Variants in JAG1 observed in about 807,000 individuals in gnomAD.
JAG1 encodes protein jagged-1.
In JAG1, 23 loss-of-function variants were observed where a neutral mutation model predicts 148.7. The ratio of observed to expected loss-of-function variants is 0.15; its 90% CI spans 0.11 to 0.22. JAG1 has a LOEUF of 0.22. Ranked by LOEUF, JAG1 falls within the 10% of genes least tolerant of loss-of-function variation. JAG1 has a pLI of 1.00. For missense variants in JAG1, 1,054 were observed against 1,611.2 expected (o/e 0.65, Z 5.92); for synonymous variants, 572 against 598.3 (o/e 0.96, Z 0.64).
Position 10,673,356 on chromosome 20 carries a change from G to A in JAG1, c.81+94C>T. On this transcript the variant is annotated intron_variant, in intron 1 of 25. Transcript: ENST00000254958. This position sits in a 1 kb window ranked among gnomAD's most constrained non-coding sequence, Gnocchi z 4.7. The stretch of plus-strand genomic sequence containing the variant: ...AGGGGCGAGGAGTCGGGCGCTCGAG[G>A]GCTGCCGAGCCTGCTCGCGGGGCTC... The A allele has an allele frequency of 2.1e-6, 2 of 969,124 alleles. No homozygotes were observed. Among genetic ancestry groups the A allele is most frequent in the Non-Finnish European group, 3.0e-6 (2 of 669,914 alleles). The allele number at this position is 969,124 out of a possible 1,614,324, so 60.0% of individuals were successfully genotyped here.
intron 2 of JAG1, among the ~76,000 whole-genome samples, chr20:10,668,393 A>G (rs1187176652): frequency 6.6e-6 from 1 of 152,212 alleles, no homozygotes; most frequent in African/African-American, 2.4e-5. Context: ...CCTAGGCTTG[A>G]AGGATGGGGG....
At chr20:10,651,038 TCA>T (rs2067342451) in intron 8 of JAG1, 1 of 159,324 alleles carries the variant, frequency 6.3e-6, no homozygotes, top group African/African-American at 2.4e-5. Flanking sequence ...ACAGCGGTTC[TCA>T]GACCTGGCTG....
intron 3 of JAG1, among the ~76,000 whole-genome samples, chr20:10,661,456 C>T (rs1342546310): frequency 2.0e-5 from 3 of 152,150 alleles, no homozygotes; most frequent in African/African-American, 7.2e-5. Flanking sequence ...GCATAAACAG[C>T]ATGTGCAAAG....
chr20:10,658,203 G>C (rs970818296), intron 4 of JAG1, among the ~76,000 whole-genome samples: 1 of 152,160 alleles, frequency 6.6e-6, no homozygotes, highest in African/African-American at 2.4e-5. Context: ...CACTGGTTTG[G>C]CCAAGGACGA....
chr20:10,641,062 C>CCGAACTGCCTTGCCAT (rs764291761), intron 24 of JAG1, 51 bp downstream of exon 24: 1 of 1,613,558 alleles, frequency 6.2e-7, no homozygotes, highest in Non-Finnish European at 8.5e-7. Flanking sequence ...CACTGGTTAA[C>CCGAACTGCCTTGCCAT]CGAACTGCCT....
In JAG1 at chr20:10,658,739, G is replaced by GA. The variant is rs1342273279; in HGVS notation, c.440-18dup. The stretch of plus-strand genomic sequence containing the variant: ...TGTCAGGTTCTAGAGACAAAGTGAT[G>GA]AATCATGTTAATATTCACATTGCAG... On this transcript the variant is annotated splice_polypyrimidine_tract_variant and intron_variant, in intron 3 of 25. Coordinates refer to ENST00000254958, the MANE Select transcript of JAG1 (RefSeq NM_000214.3). 5.6e-6 allele frequency: 9 copies of GA among 1,613,844 alleles called. No homozygotes were observed. The highest frequency in any genetic ancestry group is 6.8e-6 in the Non-Finnish European group (8 of 1,179,812).
intron 2 of JAG1, among the ~76,000 whole-genome samples, chr20:10,668,733 G>C (rs2067474520): frequency 6.6e-6 from 1 of 151,584 alleles, no homozygotes; most frequent in Non-Finnish European, 1.5e-5. Flanking sequence ...CTATCTAAAA[G>C]GTCCCCAAAG....
intron 21 of JAG1, 110 bp downstream of exon 21, chr20:10,642,378 G>A (rs970319887): frequency 2.9e-6 from 2 of 679,296 alleles, no homozygotes; most frequent in Non-Finnish European, 5.3e-6. Context: ...TAGTCCCACT[G>A]TGTGTTCCCT....
Position 10,672,913 on chromosome 20 carries a change from G to A in JAG1, c.175C>T (p.Arg59Trp), listed in dbSNP as rs2067507466. The A allele has an allele frequency of 1.2e-6, 2 of 1,613,014 alleles. No individual in the cohort carries two copies. The highest frequency in any genetic ancestry group is 2.2e-5 in the South Asian group (2 of 91,092). The change falls in exon 2 of 26, where the codon CGG becomes TGG. Residue 59 changes from arginine (R) to tryptophan (W), a missense_variant. Coordinates refer to ENST00000254958, the MANE Select transcript of JAG1 (RefSeq NM_000214.3). ...GTGCACTTGCGGTCTCCCGGGTTCCGGGCGCCGCCGCAGCAGTTCCCGTTC... is the reference window on the plus strand; with the variant it reads ...GTGCACTTGCGGTCTCCCGGGTTCCAGGCGCCGCCGCAGCAGTTCCCGTTC... ...LQNGNCCGGA[R>W]NPGDRKCTRD... is the part of the protein sequence containing the mutation.
intron 2 of JAG1, among the ~76,000 whole-genome samples, chr20:10,671,910 C>T (rs1027008231): frequency 3.3e-5 from 5 of 152,184 alleles, no homozygotes; most frequent in Admixed American, 6.5e-5. Context: ...AAGACCACCC[C>T]TTCCAAGCCT....
chr20:10,640,675 T>A, intron 25 of JAG1, 108 bp downstream of exon 25: 1 of 1,196,570 alleles, frequency 8.4e-7, no homozygotes, highest in Non-Finnish European at 1.2e-6. Flanking sequence ...TGGGAGCTCC[T>A]GCGAGGGTAG....
rs769560650 is a variant in JAG1, at chr20:10,645,016, G to A, written c.2228-37C>T. ...GAGCAGACACGACCACCCTCCCTGAGTATCCAGAAACAGTCTGGAGGGGCA... is the reference window on the plus strand; with the variant it reads ...GAGCAGACACGACCACCCTCCCTGAATATCCAGAAACAGTCTGGAGGGGCA... On this transcript the variant is annotated intron_variant, in intron 17 of 25. Transcript: ENST00000254958. This position sits in a 1 kb window ranked among gnomAD's most constrained non-coding sequence, Gnocchi z 6.1. The A allele has an allele frequency of 3.8e-6, 6 of 1,566,810 alleles. No homozygotes were observed. Among genetic ancestry groups the A allele is most frequent in the Non-Finnish European group, 5.3e-6 (6 of 1,137,090 alleles).
Position 10,658,561 on chromosome 20 carries a change from G to A in JAG1, c.601C>T (p.Arg201Cys), listed in dbSNP as rs794727618. 2 of 1,614,200 alleles carry A rather than the reference G, an allele frequency of 1.2e-6. No homozygotes were observed. The highest frequency in any genetic ancestry group is 1.7e-6 in the Non-Finnish European group (2 of 1,180,034). The change falls in exon 4 of 26, where the codon CGC (arginine) becomes TGC (cysteine). Residue 201 changes from arginine to cysteine, a missense_variant. Coordinates refer to ENST00000254958, the MANE Select transcript of JAG1 (RefSeq NM_000214.3). ...TGTCCAAAGAAGTCATCTCTGGGGCGGCAGAACTTATTGCAGCCAAAGCCA... is the reference window on the plus strand; with the variant it reads ...TGTCCAAAGAAGTCATCTCTGGGGCAGCAGAACTTATTGCAGCCAAAGCCA... ...YYGFGCNKFC[R>C]PRDDFFGHYA...
rs560065330 is a variant in JAG1 at position 10,641,775 on chromosome 20, T to C, written c.2682+8A>G. 2.5e-6 allele frequency: 4 copies of C among 1,612,018 alleles called. No homozygotes were observed. Among genetic ancestry groups the C allele is most frequent in the Non-Finnish European group, 3.4e-6 (4 of 1,178,016 alleles). On this transcript the variant is annotated splice_region_variant and intron_variant, in intron 22 of 25. Transcript: ENST00000254958. ...CACAGGTGAACTGCGGCAGCCATCA[T>C]GTCCTACCTTTGAGCAGGCGATCCG...
rs1341784156 is a variant in JAG1 at position 10,673,738 on chromosome 20, G to C, written c.-208C>G. The C allele has an allele frequency of 4.0e-6, 1 of 252,544 alleles. No individual in the cohort carries two copies. Among genetic ancestry groups the C allele is most frequent in the Non-Finnish European group, 7.4e-6 (1 of 135,072 alleles). 15.6% of individuals were successfully genotyped at this position (252,544 alleles called of 1,614,324 possible). ...CCCGTTCCAGAAGGCAAAGAGCCCG[G>C]CCTCCTTTTATTATTCTGATCGCTT... On this transcript the variant is annotated 5_prime_UTR_variant, in exon 1 of 26. Transcript: ENST00000254958. The surrounding 1 kb of genome is among the most constrained non-coding windows in gnomAD (Gnocchi z 4.7).
intron 2 of JAG1, among the ~76,000 whole-genome samples, chr20:10,667,556 G>T (rs538663785): frequency 6.6e-6 from 1 of 152,190 alleles, no homozygotes; most frequent in Non-Finnish European, 1.5e-5. Context: ...CACACAATGC[G>T]AGTGGGTTTT....
chr20:10,644,822 T>C (rs201034897), intron 18 of JAG1, 41 bp downstream of exon 18: 183 of 1,421,890 alleles, frequency 1.3e-4, no homozygotes, highest in Non-Finnish European at 1.7e-4. Context: ...CAGGATCTGC[T>C]CCGACAGCCC....
Position 10,641,827 on chromosome 20 carries a change from A to G in JAG1, c.2638T>C (p.Cys880Arg), listed in dbSNP as rs756911979. 6.2e-7 allele frequency: 1 copy of G among 1,614,152 alleles called. No individual in the cohort carries two copies. The highest frequency in any genetic ancestry group is 8.5e-7 in the Non-Finnish European group (1 of 1,179,978). The change falls in exon 22 of 26, where the codon TGT becomes CGT. Residue 880 changes from cysteine to arginine, a missense_variant. Cys to Arg is a radical substitution (Grantham distance 180). This residue lies in a region of JAG1 where 342 missense variants were observed against 514.6 expected (regional missense o/e 0.66). Coordinates refer to ENST00000254958, the MANE Select transcript of JAG1 (RefSeq NM_000214.3). The part of the protein sequence containing the change: ...IPDGAKWDDD[C>R]NTCQCLNGRI... ...CCATTCAGGCACTGGCAGGTATTAC[A>G]GTCATCATCCCATTTGGCCCCATCT...
chr20:10,641,646 C>T lies in JAG1; in HGVS notation c.2730G>A (p.Glu910=), dbSNP rs2067273186. The T allele has an allele frequency of 5.6e-6, 9 of 1,613,874 alleles. No individual in the cohort carries two copies. The highest frequency in any genetic ancestry group is 7.6e-6 in the Non-Finnish European group (9 of 1,180,042). ...RPCLLHKGHS[E]CPSGQSCIPI... is the part of the protein sequence containing the mutation. Reference sequence around the variant, plus strand: ...GGATGCAGCTCTGCCCGCTGGGGCACTCGCTGTGCCCTTTGTGGAGCAGGC... The same window carrying T: ...GGATGCAGCTCTGCCCGCTGGGGCATTCGCTGTGCCCTTTGTGGAGCAGGC... Residue 910 remains glutamate (E), a synonymous_variant, in exon 23 of 26, where the codon GAG becomes GAA. Transcript: ENST00000254958.
Sources: gnomAD v4.1 joint callset for allele counts (sites outside exome capture counted in the v4.1 genomes callset) on GRCh38, gnomAD v4.1.1 for gene constraint, gnomAD v4.1.1 regional missense constraint, Gnocchi (gnomAD v3.1) non-coding constraint, MANE v1.5 for transcripts, NCBI Gene and HGNC (gene_info 2026-07-23, HGNC 2026-07-21) for gene names.